NHEJ1: variants seen among roughly 807,000 people sequenced by gnomAD.
NHEJ1 encodes non-homologous end-joining factor 1.
In NHEJ1, 22 loss-of-function variants were observed where a neutral mutation model predicts 39.4. The ratio of observed to expected loss-of-function variants is 0.56; its 90% confidence interval spans 0.40 to 0.80. The LOEUF (loss-of-function observed/expected upper bound fraction) is 0.80, where lower values mean the gene tolerates loss of function less well. Among genes scored for constraint, NHEJ1 ranks in the 30% least tolerant of loss-of-function variants. The pLI is 0.00. For missense variants in NHEJ1, 329 were observed against 357.1 expected (o/e 0.92, Z 0.63); for synonymous variants, 154 against 135.6 (o/e 1.14, Z -0.94).
At chr2:219,128,957 G>A (rs937725835) in intron 5 of NHEJ1, among the ~76,000 whole-genome samples, 1 of 152,082 alleles carries the variant, frequency 6.6e-6, no homozygotes, top group African/African-American at 2.4e-5. Context: ...CATATGGTTT[G>A]GTCTAAAAGC....
intron 5 of NHEJ1, among the ~76,000 whole-genome samples, chr2:219,142,575 G>A (rs934699149): frequency 2.0e-5 from 3 of 152,222 alleles, no homozygotes; most frequent in South Asian, 2.1e-4. Flanking sequence ...CAGCCTGATG[G>A]CAACCAGATG....
At chr2:219,146,760 A>G in intron 4 of NHEJ1, 22 bp from the exon 5 acceptor site, 1 of 1,578,530 alleles carries the variant, frequency 6.3e-7, no homozygotes, top group Non-Finnish European at 8.7e-7. Context: ...AGGATCAGAA[A>G]AAAGAAATAT....
chr2:219,158,974 T>C (rs987734161), intron 1 of NHEJ1: 1 of 155,752 alleles, frequency 6.4e-6, no homozygotes, highest in Non-Finnish European at 1.4e-5. Context: ...CATATATGCA[T>C]GGGGAGGGGG....
At position 219,073,724 on chromosome 2, in the gene NHEJ1, T is replaced by C. The variant is rs1380169118; in HGVS notation, c.*2657A>G. On this transcript the variant is annotated 3_prime_UTR_variant, in exon 8 of 8. Coordinates refer to ENST00000356853, the MANE Select transcript of NHEJ1 (RefSeq NM_024782.3). ...AAATACTCCAAAGCAATTGAAAGAG[T>C]CCCTTCTCCCACCAGCCAGCCCTGG... Among the ~76,000 whole-genome samples, 1 of 152,028 alleles carries C rather than the reference T, an allele frequency of 6.6e-6. No homozygotes were observed. Among genetic ancestry groups the C allele is most frequent in the Non-Finnish European group, 1.5e-5 (1 of 68,002 alleles).
At chr2:219,116,527 T>TAAA (rs1949418282) in intron 5 of NHEJ1, among the ~76,000 whole-genome samples, 1 of 152,100 alleles carries the variant, frequency 6.6e-6, no homozygotes, top group Admixed American at 6.5e-5. Flanking sequence ...TGGCTAATTT[T>TAAA]TGTCTTTTTT....
chr2:219,158,467 CCT>C, intron 1 of NHEJ1, 105 bp from the exon 2 acceptor site: 3 of 1,112,986 alleles, frequency 2.7e-6, no homozygotes, highest in South Asian at 2.6e-5. Context: ...GAAAATCCTC[CCT>C]GATAAAATAG....
chr2:219,137,474 T>G (rs1382000832), intron 5 of NHEJ1, among the ~76,000 whole-genome samples: 1 of 146,826 alleles, frequency 6.8e-6, no homozygotes, highest in Non-Finnish European at 1.5e-5. Flanking sequence ...ATGTGCCCCA[T>G]CTCCCTCCTA....
At chr2:219,137,944 C>T (rs1432224130) in intron 5 of NHEJ1, among the ~76,000 whole-genome samples, 1 of 152,122 alleles carries the variant, frequency 6.6e-6, no homozygotes, top group Admixed American at 6.6e-5. Flanking sequence ...TCATTCAGCC[C>T]GCATGCACCT....
At chr2:219,077,480 A>C in intron 6 of NHEJ1, 116 bp from the exon 7 acceptor site, 1 of 834,304 alleles carries the variant, frequency 1.2e-6, no homozygotes. Flanking sequence ...ATATATAAGC[A>C]GACAGAAGTA....
intron 5 of NHEJ1, among the ~76,000 whole-genome samples, chr2:219,094,382 G>A (rs573678957): frequency 6.6e-6 from 1 of 152,330 alleles, no homozygotes; most frequent in South Asian, 2.1e-4. Flanking sequence ...GTGGCTGGGT[G>A]CTGGGAGAAG....
intron 5 of NHEJ1, among the ~76,000 whole-genome samples, chr2:219,108,513 TTAC>T (rs59248493): frequency 0.016 from 2,455 of 152,300 alleles, 69 homozygotes; most frequent in African/African-American, 0.056. Flanking sequence ...TTTATTTGTG[TTAC>T]TACTCTAGTC....
intron 5 of NHEJ1, among the ~76,000 whole-genome samples, chr2:219,144,295 C>T (rs1368811397): frequency 1.3e-5 from 2 of 152,154 alleles, no homozygotes; most frequent in East Asian, 3.9e-4. Context: ...GTAGGCACCA[C>T]GCACAGTGCT....
At chr2:219,154,689 T>C (rs2106366872) in intron 3 of NHEJ1, among the ~76,000 whole-genome samples, 1 of 152,072 alleles carries the variant, frequency 6.6e-6, no homozygotes, top group African/African-American at 2.4e-5. Flanking sequence ...GTATTTTATT[T>C]TAACTTAAAG....
intron 5 of NHEJ1, among the ~76,000 whole-genome samples, chr2:219,102,082 A>C (rs1025479362): frequency 6.6e-5 from 10 of 152,170 alleles, no homozygotes; most frequent in African/African-American, 2.4e-4. Flanking sequence ...TAATTTAGTC[A>C]TATTTCCATA....
rs566880614 is a variant in NHEJ1 at position 219,111,662 on chromosome 2, C to G, written c.589-33456G>C. On this transcript the variant is annotated intron_variant, in intron 5 of 7. Coordinates refer to ENST00000356853, the MANE Select transcript of NHEJ1 (RefSeq NM_024782.3). This position sits in a 1 kb window ranked among gnomAD's most constrained non-coding sequence, Gnocchi z 4.1. ...ACACACACACACACACACACACACACAGAGAGATACATACAGTCAGTGGGA... is the reference window on the plus strand; with the variant it reads ...ACACACACACACACACACACACACAGAGAGAGATACATACAGTCAGTGGGA... Among the ~76,000 whole-genome samples the G allele has an allele frequency of 3.8e-4, 56 of 149,072 alleles. No homozygotes were observed. The highest frequency in any genetic ancestry group is 9.9e-4 in the African/African-American group (40 of 40,358).
chr2:219,126,211 T>G (rs1297050060), intron 5 of NHEJ1, among the ~76,000 whole-genome samples: 1 of 152,200 alleles, frequency 6.6e-6, no homozygotes, highest in Non-Finnish European at 1.5e-5. Context: ...TTCTCCCTTT[T>G]CAAATATATT....
chr2:219,081,015 T>G (rs1322834743), intron 5 of NHEJ1, among the ~76,000 whole-genome samples: 1 of 152,084 alleles, frequency 6.6e-6, no homozygotes, highest in Non-Finnish European at 1.5e-5. Context: ...ATCCAGCTTC[T>G]CCCAGGATCA....
At chr2:219,110,262 T>C (rs1301293219) in intron 5 of NHEJ1, among the ~76,000 whole-genome samples, 1 of 152,084 alleles carries the variant, frequency 6.6e-6, no homozygotes, top group South Asian at 2.1e-4. Context: ...CACCCTGTAA[T>C]CCCAGCACTT....
At chr2:219,118,633 C>T (rs1259816947) in intron 5 of NHEJ1, among the ~76,000 whole-genome samples, 4 of 152,104 alleles carry the variant, frequency 2.6e-5, no homozygotes, top group African/African-American at 7.2e-5. Flanking sequence ...CCCATAAAGC[C>T]GTATCAAACC....
Sources: allele counts gnomAD v4.1 joint callset (sites outside exome capture counted in the v4.1 genomes callset), GRCh38; gene constraint gnomAD v4.1.1; non-coding constraint Gnocchi (gnomAD v3.1); transcripts MANE v1.5; gene names NCBI Gene and HGNC (gene_info 2026-07-23, HGNC 2026-07-21).